SPESP1: variants seen among roughly 807,000 people sequenced by gnomAD.
SPESP1 encodes equatorial segment protein.
Under a neutral mutation model 3.1 loss-of-function variants are expected in SPESP1, and 1 was observed. The observed-to-expected ratio is 0.33, with a 90% confidence interval of 0.12 to 1.54. The LOEUF is 1.54. SPESP1 is among the 40% of genes most tolerant of loss of function. The probability of loss-of-function intolerance (pLI) is 0.38; values close to 1 mark genes in which losing one functional copy is unlikely to be tolerated. For synonymous variants in SPESP1, 138 were observed against 150.7 expected (o/e 0.92, Z 0.62); for missense variants, 398 against 410.1 (o/e 0.97, Z 0.26).
chr15:68,934,075 CATA>C (rs1436933859), intron 1 of SPESP1, among the ~76,000 whole-genome samples: 3 of 151,744 alleles, frequency 2.0e-5, no homozygotes, highest in Non-Finnish European at 4.4e-5. Context: ...TCAAACTTTG[CATA>C]ATAAGTATAA....
rs549645167 is a variant in SPESP1, at chr15:68,945,722, A to G, written c.188A>G (p.His63Arg). The G allele has an allele frequency of 1.7e-5, 27 of 1,614,094 alleles. 1 individual carries two copies. The East Asian group carries it at 1.8e-4, about 11-fold the overall frequency. The part of the protein sequence containing the change: ...GREKKSNSPK[H>R]VYSIASKGSK... ...GAGAAAAAATCTAACTCTCCAAAAC[A>G]TGTTTATTCTATAGCATCAAAGGGA... The change falls in exon 2 of 2, where the codon CAT (histidine) becomes CGT (arginine). Residue 63 changes from histidine to arginine, a missense_variant. Physicochemically the swap from His to Arg is conservative, Grantham distance 29 (BLOSUM62 0). Coordinates refer to ENST00000310673, the MANE Select transcript of SPESP1 (RefSeq NM_145658.4).
At chr15:68,936,562 A>G (rs1387499759) in intron 1 of SPESP1, among the ~76,000 whole-genome samples, 1 of 152,200 alleles carries the variant, frequency 6.6e-6, no homozygotes, top group Non-Finnish European at 1.5e-5. Context: ...TCTGGGGGAT[A>G]AGGGATATGG....
chr15:68,946,145 G>C lies in SPESP1; in HGVS notation c.611G>C (p.Gly204Ala), dbSNP rs745791179. ...TCAGAAGATGTTCCTCAGCTCTCAG[G>C]TGAAACTGCGATAGAAAAACCCGAA... ...TESEDVPQLSGETAIEKPEEF... is the reference protein window; with the variant it reads ...TESEDVPQLSAETAIEKPEEF... Residue 204 changes from glycine to alanine, a missense_variant, in exon 2 of 2, where the codon GGT (glycine) becomes GCT (alanine). By Grantham distance (60) the Gly-to-Ala change is moderately conservative. Coordinates refer to ENST00000310673, the MANE Select transcript of SPESP1 (RefSeq NM_145658.4). 6.2e-7 allele frequency: 1 copy of C among 1,614,140 alleles called. No individual in the cohort carries two copies. The highest frequency in any genetic ancestry group is 1.1e-5 in the South Asian group (1 of 91,076).
intron 1 of SPESP1, among the ~76,000 whole-genome samples, chr15:68,937,478 A>G (rs1895711008): frequency 6.6e-6 from 1 of 152,118 alleles, no homozygotes; most frequent in South Asian, 2.1e-4. Flanking sequence ...TAAGGATGGA[A>G]CTTATTATTT....
At chr15:68,932,920 G>A (rs1895587225) in intron 1 of SPESP1, among the ~76,000 whole-genome samples, 1 of 152,240 alleles carries the variant, frequency 6.6e-6, no homozygotes, top group East Asian at 1.9e-4. Context: ...TATAGAGCAG[G>A]CAGTGGTACA....
chr15:68,942,181 T>TTTTTTTTTTC (rs58443966), intron 1 of SPESP1, among the ~76,000 whole-genome samples: 4 of 152,014 alleles, frequency 2.6e-5, no homozygotes, highest in African/African-American at 9.7e-5. Flanking sequence ...TTTTTTTTTT[T>TTTTTTTTTTC]GAGACGGAGT....
chr15:68,935,809 A>G (rs1271332507), intron 1 of SPESP1, among the ~76,000 whole-genome samples: 1 of 152,242 alleles, frequency 6.6e-6, no homozygotes, highest in African/African-American at 2.4e-5. Context: ...AAGATTTAAT[A>G]TTTCCTTTTA....
At chr15:68,931,352 G>C (rs1035927102) in intron 1 of SPESP1, among the ~76,000 whole-genome samples, 2 of 151,540 alleles carry the variant, frequency 1.3e-5, no homozygotes, top group African/African-American at 4.9e-5. Context: ...ACATTTCATT[G>C]TTCGTGAATA....
rs1192377258 is a variant in SPESP1, at chr15:68,930,706, C to T, written c.53C>T (p.Pro18Leu). The T allele has an allele frequency of 5.0e-6, 8 of 1,613,860 alleles. No individual in the cohort carries two copies. The highest frequency in any genetic ancestry group is 1.1e-5 in the South Asian group (1 of 91,082). The change falls in exon 1 of 2, where the codon CCG becomes CTG. Residue 18 changes from proline (P) to leucine (L), a missense_variant. Physicochemically the swap from Pro to Leu is moderately conservative, Grantham distance 98. Transcript: ENST00000310673. ...VALLLWPSSV[P>L]AYPSITVTPD... ...CTTTTGCTATGGCCTTCGTCTGTGC[C>T]GGCTTATCCGAGTGAGTGACGGGCC... is the stretch of plus-strand genomic sequence containing the variant.
chr15:68,931,657 C>T lies in SPESP1; in HGVS notation c.64+940C>T, dbSNP rs74020550. On this transcript the variant is annotated intron_variant, in intron 1 of 1. Coordinates refer to ENST00000310673, the MANE Select transcript of SPESP1 (RefSeq NM_145658.4). The stretch of plus-strand genomic sequence containing the variant: ...AGCAGGATTATAACTTAAGACCTGC[C>T]AAGGAGCAATTTTTGTCCCTCCCCG... Among the ~76,000 whole-genome samples the T allele has an allele frequency of 8.7e-3, 1,320 of 152,210 alleles. 20 individuals carry two copies. The highest frequency in any genetic ancestry group is 0.03 in the African/African-American group (1,253 of 41,522).
intron 1 of SPESP1, among the ~76,000 whole-genome samples, chr15:68,932,725 ATCTT>A (rs1162564141): frequency 1.3e-5 from 2 of 151,958 alleles, no homozygotes; most frequent in African/African-American, 4.8e-5. Context: ...CTATTCCCTA[ATCTT>A]TCTTGGGAAG....
intron 1 of SPESP1, among the ~76,000 whole-genome samples, chr15:68,937,618 C>A (rs1383484208): frequency 6.6e-6 from 1 of 152,038 alleles, no homozygotes; most frequent in Non-Finnish European, 1.5e-5. Flanking sequence ...CTCCCCTCAC[C>A]CCCCACCCAC....
chr15:68,936,261 G>A (rs1388843966), intron 1 of SPESP1, among the ~76,000 whole-genome samples: 1 of 152,098 alleles, frequency 6.6e-6, no homozygotes, highest in Non-Finnish European at 1.5e-5. Context: ...TTAACAAAAT[G>A]AGCATCCATA....
In SPESP1 at chr15:68,946,399, A is replaced by T. The variant is rs770408525; in HGVS notation, c.865A>T (p.Thr289Ser). The T allele has an allele frequency of 6.2e-7, 1 of 1,614,142 alleles. No individual in the cohort carries two copies. Among genetic ancestry groups the T allele is most frequent in the Non-Finnish European group, 8.5e-7 (1 of 1,180,016 alleles). ...GTCCCAGTTATTGCCAGTAGGACGA[A>T]CAAGTAATAAAATTGATGACATCGA... ...YKSQLLPVGR[T>S]SNKIDDIETV... The change falls in exon 2 of 2, where the codon ACA becomes TCA. Residue 289 changes from threonine to serine, a missense_variant. By Grantham distance (58) the Thr-to-Ser change is moderately conservative. Coordinates refer to ENST00000310673, the MANE Select transcript of SPESP1 (RefSeq NM_145658.4).
chr15:68,944,490 T>C (rs1329747979), intron 1 of SPESP1, among the ~76,000 whole-genome samples: 1 of 152,098 alleles, frequency 6.6e-6, no homozygotes, highest in Non-Finnish European at 1.5e-5. Flanking sequence ...CAGGAAATAT[T>C]TCCTGACTAG....
In SPESP1 at chr15:68,946,604, T is replaced by G; in HGVS notation, c.*17T>G. 1 of 1,427,448 alleles carries G rather than the reference T, an allele frequency of 7.0e-7. No homozygotes were observed. The highest frequency in any genetic ancestry group is 2.5e-5 in the East Asian group (1 of 39,608). The allele number at this position is 1,427,448 out of a possible 1,614,324, so 88.4% of individuals were successfully genotyped here. A position where few individuals can be genotyped will look rare whatever the true frequency, so the allele number is the denominator to read the frequency against. On this transcript the variant is annotated 3_prime_UTR_variant, in exon 2 of 2. Transcript: ENST00000310673. ...GTTTATTAAACAATAATATAAAAAT[T>G]TTAAACCTACTTGATATTCCATAAC... is the stretch of plus-strand genomic sequence containing the variant.
At chr15:68,942,169 C>CTTTTTTTTTTT (rs778249415) in intron 1 of SPESP1, among the ~76,000 whole-genome samples, 1,545 of 142,616 alleles carry the variant, frequency 0.011, 38 homozygotes, top group African/African-American at 0.038. Context: ...CATCTTATTT[C>CTTTTTTTTTTT]TTTTTTTTTT....
intron 1 of SPESP1, among the ~76,000 whole-genome samples, chr15:68,932,262 G>A (rs890082576): frequency 6.6e-6 from 1 of 152,188 alleles, no homozygotes; most frequent in African/African-American, 2.4e-5. Context: ...TTTAACTGAA[G>A]TGACTTTAAC....
At chr15:68,936,931 C>T (rs1895696485) in intron 1 of SPESP1, among the ~76,000 whole-genome samples, 1 of 152,080 alleles carries the variant, frequency 6.6e-6, no homozygotes, top group Non-Finnish European at 1.5e-5. Flanking sequence ...ATAAACTTCA[C>T]ACTTAGAAAT....
Sources: allele counts gnomAD v4.1 joint callset (sites outside exome capture counted in the v4.1 genomes callset), GRCh38; gene constraint gnomAD v4.1.1; transcripts MANE v1.5; gene names NCBI Gene and HGNC (gene_info 2026-07-23, HGNC 2026-07-21).